Variants in AANAT observed in about 807,000 individuals in gnomAD.
AANAT encodes aralkylamine N-acetyltransferase, also known as serotonin N-acetyltransferase.
In AANAT, 11 loss-of-function variants were observed where a neutral mutation model predicts 15.6. That is an observed-to-expected ratio of 0.71 (90% CI 0.44 to 1.17). The LOEUF is 1.17. Among genes scored for constraint, AANAT ranks in the 50% most tolerant of loss-of-function variants. AANAT has a pLI of 0.00. For synonymous variants in AANAT, 139 were observed against 131.5 expected, an observed-to-expected ratio of 1.06 and a Z score of -0.39; for missense variants, 286 against 296.3, an observed-to-expected ratio of 0.97 and a Z score of 0.26.
intron 1 of AANAT, among the ~76,000 whole-genome samples, chr17:76,458,498 C>G (rs2073359362): frequency 6.6e-6 from 1 of 152,220 alleles, no homozygotes. Context: ...CCCCATCTCC[C>G]AGCCTTTCGT....
chr17:76,463,619 G>A (rs573736228), upstream of AANAT, among the ~76,000 whole-genome samples: 3 of 152,044 alleles, frequency 2.0e-5, no homozygotes, highest in South Asian at 2.1e-4. Context: ...TTTCTGGAAG[G>A]ATTCTTAAAG....
At chr17:76,458,813 AC>A in intron 1 of AANAT, among the ~76,000 whole-genome samples, 1 of 151,734 alleles carries the variant, frequency 6.6e-6, no homozygotes, top group Non-Finnish European at 1.5e-5. Context: ...AGCTCCTTCC[AC>A]CCTGGAGCAG....
At chr17:76,457,361 C>A (rs1567863359) in intron 1 of AANAT, among the ~76,000 whole-genome samples, 2 of 152,046 alleles carry the variant, frequency 1.3e-5, no homozygotes, top group South Asian at 2.1e-4. Context: ...CTTTTGTTGT[C>A]AAAAAATCAA....
chr17:76,468,089 T>C (rs1166803948), intron 1 of AANAT, among the ~76,000 whole-genome samples: 1 of 151,680 alleles, frequency 6.6e-6, no homozygotes, highest in African/African-American at 2.4e-5. Context: ...TGGATAGAAG[T>C]AGAGGCTCCC....
At chr17:76,463,490 T>TA (rs1176181009), upstream of AANAT, among the ~76,000 whole-genome samples, 4 of 151,952 alleles carry the variant, frequency 2.6e-5, no homozygotes, top group African/African-American at 9.7e-5. Flanking sequence ...GTATTTTTAG[T>TA]AGAGACGGGG....
chr17:76,455,507 TACATTCTCAGAGG>T (rs1254685454), intron 1 of AANAT, among the ~76,000 whole-genome samples: 1 of 152,222 alleles, frequency 6.6e-6, no homozygotes, highest in East Asian at 1.9e-4. Context: ...AGGGTTTAGA[TACATTCTCAGAGG>T]ACAGATTTAA....
At chr17:76,454,396 A>G (rs1327562934) in intron 1 of AANAT, among the ~76,000 whole-genome samples, 1 of 151,704 alleles carries the variant, frequency 6.6e-6, no homozygotes, top group East Asian at 1.9e-4. Flanking sequence ...GAGGCAGGCA[A>G]ATCGCTTGAA....
chr17:76,463,050 G>A (rs572086093), upstream of AANAT, among the ~76,000 whole-genome samples: 2 of 152,180 alleles, frequency 1.3e-5, no homozygotes, highest in Non-Finnish European at 2.9e-5. Context: ...CAGATTCCAG[G>A]TCCAGGGCTT....
chr17:76,454,346 G>A (rs1395715339), intron 1 of AANAT, among the ~76,000 whole-genome samples: 11 of 150,658 alleles, frequency 7.3e-5, no homozygotes, highest in East Asian at 1.9e-4. Context: ...ATAGCTGGGC[G>A]TGGTGGCACA....
intron 2 of AANAT, among the ~76,000 whole-genome samples, chr17:76,460,701 C>T (rs921261133): frequency 2.0e-5 from 3 of 152,124 alleles, no homozygotes; most frequent in African/African-American, 4.8e-5. Flanking sequence ...ACTTGGGGAG[C>T]CGTAGGTCCC....
intron 2 of AANAT, among the ~76,000 whole-genome samples, chr17:76,461,628 AAAG>A (rs2073389668): frequency 1.3e-5 from 2 of 148,544 alleles, no homozygotes; most frequent in Non-Finnish European, 3.0e-5. Flanking sequence ...AAAAAAAAAA[AAAG>A]GAAGGAAGGA....
Position 76,459,685 on chromosome 17 carries a change from C to T in AANAT, c.-456+319C>T, listed in dbSNP as rs1288099234. Among the ~76,000 whole-genome samples, 5 of 152,314 alleles carry T rather than the reference C, an allele frequency of 3.3e-5. No homozygotes were observed. In the East Asian group the frequency reaches 7.7e-4, roughly 23 times the overall value. On this transcript the variant is annotated intron_variant, in intron 2 of 6. Coordinates refer to the AANAT transcript ENST00000250615. Reference sequence around the variant, plus strand: ...TGTGCTGCTGCTGGTCACTATGTGACCTTGGGCAAGTTATTTTACTCTCTA... The same window carrying T: ...TGTGCTGCTGCTGGTCACTATGTGATCTTGGGCAAGTTATTTTACTCTCTA...
chr17:76,466,436 C>T (rs2073438828), upstream of AANAT, among the ~76,000 whole-genome samples: 1 of 152,154 alleles, frequency 6.6e-6, no homozygotes, highest in African/African-American at 2.4e-5. Flanking sequence ...GACGGGGTCA[C>T]TCCACGGTCA....
At chr17:76,456,016 AAAAG>A (rs2073339989) in intron 1 of AANAT, among the ~76,000 whole-genome samples, 3 of 151,362 alleles carry the variant, frequency 2.0e-5, no homozygotes, top group Admixed American at 2.0e-4. Context: ...GCGTCTCAAA[AAAAG>A]AGAGAGAAAA....
At position 76,469,379 on chromosome 17, in the gene AANAT, G is replaced by A. The variant is rs780363316; in HGVS notation, c.318+52G>A. 5.6e-6 allele frequency: 9 copies of A among 1,606,766 alleles called. No homozygotes were observed. In the East Asian group the frequency reaches 1.3e-4, roughly 24 times the overall value. On this transcript the variant is annotated intron_variant, in intron 3 of 3. Coordinates refer to ENST00000392492, the MANE Select transcript of AANAT (RefSeq NM_001088.3). The surrounding 1 kb of genome is among the most constrained non-coding windows in gnomAD (Gnocchi z 5.2). ...TCCAGGGAGGCCTCTGAAGACAGAG[G>A]TCAGCCAGATGGCGGGGAGGGGAGC...
At chr17:76,460,130 A>AT (rs556197358) in intron 2 of AANAT, among the ~76,000 whole-genome samples, 1,308 of 87,930 alleles carry the variant, frequency 0.015, 296 homozygotes, top group African/African-American at 0.066. Flanking sequence ...ACTTCAGGAA[A>AT]TTTTTTTTTT....
At chr17:76,462,901 G>A (rs2073402750), upstream of AANAT, among the ~76,000 whole-genome samples, 1 of 152,210 alleles carries the variant, frequency 6.6e-6, no homozygotes, top group Non-Finnish European at 1.5e-5. Flanking sequence ...TATCTCAGAG[G>A]CATCGTCAAG....
upstream of AANAT, among the ~76,000 whole-genome samples, chr17:76,464,033 A>G (rs916685368): frequency 2.4e-4 from 37 of 152,030 alleles, no homozygotes; most frequent in African/African-American, 8.9e-4. Context: ...CCCTCTCCAA[A>G]CTGCTATAGA....
chr17:76,467,473 G>A, upstream of AANAT: 1 of 909,540 alleles, frequency 1.1e-6, no homozygotes, highest in African/African-American at 1.8e-5. Context: ...GGGCACCAGA[G>A]CTGACGTTTC....
Sources: gnomAD v4.1 joint callset for allele counts (sites outside exome capture counted in the v4.1 genomes callset) on GRCh38, gnomAD v4.1.1 for gene constraint, Gnocchi (gnomAD v3.1) non-coding constraint, MANE v1.5 for transcripts, NCBI Gene and HGNC (gene_info 2026-07-23, HGNC 2026-07-21) for gene names.